Variants in TMPRSS15 observed in about 807,000 individuals in gnomAD.
TMPRSS15 encodes enteropeptidase.
In TMPRSS15, 128 loss-of-function variants were observed where a neutral mutation model predicts 125.3. The observed-to-expected ratio is 1.02, with a 90% CI of 0.89 to 1.18. The LOEUF (loss-of-function observed/expected upper bound fraction) is 1.18. TMPRSS15 is among the 50% of genes most tolerant of loss of function. TMPRSS15 has a pLI of 0.00. For synonymous variants in TMPRSS15, 446 were observed against 423.2 expected, an observed-to-expected ratio of 1.05 and a Z score of -0.66; for missense variants, 1,283 against 1,212.7, an observed-to-expected ratio of 1.06 and a Z score of -0.86.
At chr21:18,336,335 T>A (rs1311913357) in intron 13 of TMPRSS15, among the ~76,000 whole-genome samples, 1 of 152,220 alleles carries the variant, frequency 6.6e-6, no homozygotes, top group Non-Finnish European at 1.5e-5. Context: ...TATTGATCGA[T>A]GTTTGAATAT....
intron 1 of TMPRSS15, among the ~76,000 whole-genome samples, chr21:18,440,171 G>A (rs2123230860): frequency 1.3e-5 from 2 of 151,584 alleles, no homozygotes; most frequent in East Asian, 3.9e-4. Flanking sequence ...TCAGGAGATT[G>A]AGACCATCCT....
chr21:18,289,449 T>C (rs2074807234), intron 21 of TMPRSS15, among the ~76,000 whole-genome samples: 1 of 152,036 alleles, frequency 6.6e-6, no homozygotes, highest in South Asian at 2.1e-4. Context: ...GAGGCGGAGG[T>C]TGCAGTGAGC....
intron 23 of TMPRSS15, among the ~76,000 whole-genome samples, chr21:18,276,732 TC>T (rs1338947376): frequency 2.0e-5 from 3 of 150,868 alleles, no homozygotes; most frequent in African/African-American, 7.3e-5. Context: ...TATAATATAC[TC>T]AAAAGATTGA....
intron 7 of TMPRSS15, 130 bp from the exon 8 acceptor site, chr21:18,359,993 T>A: frequency 1.8e-6 from 1 of 570,210 alleles, no homozygotes; most frequent in Non-Finnish European, 3.2e-6. Flanking sequence ...CTTAAATTTT[T>A]AAGTGTACAG....
At chr21:18,444,024 C>T (rs1258677505) in intron 1 of TMPRSS15, among the ~76,000 whole-genome samples, 1 of 152,128 alleles carries the variant, frequency 6.6e-6, no homozygotes, top group Non-Finnish European at 1.5e-5. Flanking sequence ...GGCACAGCCT[C>T]CTCTTATTGC....
chr21:18,436,382 G>A (rs1016110450), intron 1 of TMPRSS15, among the ~76,000 whole-genome samples: 12 of 151,916 alleles, frequency 7.9e-5, no homozygotes, highest in Admixed American at 5.9e-4. Flanking sequence ...CCTTCATTTC[G>A]TTATGTACCC....
chr21:18,282,097 CAAAAA>C (rs954911028), intron 21 of TMPRSS15, among the ~76,000 whole-genome samples: 8 of 24,958 alleles, frequency 3.2e-4, no homozygotes, highest in African/African-American at 4.8e-4. Flanking sequence ...GACTCCGCCT[CAAAAA>C]AAAAAAAAAA....
At chr21:18,345,211 T>C (rs1055520500) in intron 10 of TMPRSS15, among the ~76,000 whole-genome samples, 1 of 152,296 alleles carries the variant, frequency 6.6e-6, no homozygotes, top group African/African-American at 2.4e-5. Flanking sequence ...TAATAATGTG[T>C]TTAAAATTTT....
intron 13 of TMPRSS15, among the ~76,000 whole-genome samples, chr21:18,333,263 G>GA (rs1002616463): frequency 2.7e-5 from 4 of 149,864 alleles, no homozygotes; most frequent in Admixed American, 6.6e-5. Flanking sequence ...AAGAAAATTG[G>GA]AAAAAAAAAT....
At position 18,447,578 on chromosome 21, in the gene TMPRSS15, G is replaced by A. The variant is rs184251917; in HGVS notation, c.10+38221C>T. Among the ~76,000 whole-genome samples, 478 of 152,172 alleles carry A rather than the reference G, an allele frequency of 3.1e-3. 2 individuals are homozygous for A. The highest frequency in any genetic ancestry group is 0.011 in the African/African-American group (456 of 41,534). ...TAGTTCTGATAATCCCCACATGTTT[G>A]GGAGGGACTTGGTGGGAAGTAATTG... On this transcript the variant is annotated intron_variant, in intron 1 of 7. Transcript: ENST00000422787.
chr21:18,422,651 GA>G (rs1383770968), intron 1 of TMPRSS15, among the ~76,000 whole-genome samples: 1 of 152,180 alleles, frequency 6.6e-6, no homozygotes, highest in Non-Finnish European at 1.5e-5. Context: ...TGTGGAAACT[GA>G]GGCACAAAGC....
rs1050685511 is a variant in TMPRSS15, at chr21:18,423,584, A to AT, written c.11-25256dup. 5.8e-3 allele frequency among the ~76,000 whole-genome samples: 769 copies of AT among 133,366 alleles called. 6 individuals carry two copies. Among genetic ancestry groups the AT allele is most frequent in the African/African-American group, 8.5e-3 (309 of 36,408 alleles). The allele number at this position is 133,366 out of a possible 152,430, so 87.5% of individuals were successfully genotyped here. A position where few individuals can be genotyped will look rare whatever the true frequency, so the allele number is the denominator to read the frequency against. On this transcript the variant is annotated intron_variant, in intron 1 of 7. Transcript: ENST00000422787. ...CCACCACACCCGGCTAATTTTTTGT[A>AT]TTTTTTTTTTTTTTAGTAGAGACGG...
At chr21:18,321,349 CTT>C (rs751011766) in intron 16 of TMPRSS15, among the ~76,000 whole-genome samples, 4 of 100,596 alleles carry the variant, frequency 4.0e-5, no homozygotes, top group Admixed American at 1.3e-4. Flanking sequence ...TTTTTTCCTT[CTT>C]TTTTTTTTTT....
chr21:18,422,930 C>T (rs2076195231), intron 1 of TMPRSS15, among the ~76,000 whole-genome samples: 1 of 152,162 alleles, frequency 6.6e-6, no homozygotes, highest in African/African-American at 2.4e-5. Flanking sequence ...TACTGTAGGT[C>T]TCAAATGCTG....
intron 10 of TMPRSS15, among the ~76,000 whole-genome samples, chr21:18,351,359 A>T (rs1021015658): frequency 6.6e-6 from 1 of 152,148 alleles, no homozygotes; most frequent in Non-Finnish European, 1.5e-5. Flanking sequence ...ATGCACTGAG[A>T]ATACCTGATA....
intron 21 of TMPRSS15, among the ~76,000 whole-genome samples, chr21:18,285,752 A>G (rs752423289): frequency 3.9e-5 from 6 of 152,220 alleles, no homozygotes; most frequent in Non-Finnish European, 7.3e-5. Context: ...TATAATGATC[A>G]TTATCATTAC....
intron 18 of TMPRSS15, among the ~76,000 whole-genome samples, chr21:18,307,259 A>C (rs2146925566): frequency 6.6e-6 from 1 of 152,298 alleles, no homozygotes; most frequent in East Asian, 1.9e-4. Context: ...CAAGCACCTG[A>C]CCTTCATCAA....
At position 18,402,694 on chromosome 21, in the gene TMPRSS15, A is replaced by G. The variant is rs144916730; in HGVS notation, c.145+784T>C. On this transcript the variant is annotated intron_variant, in intron 1 of 24. Transcript: ENST00000284885. ...TTACCCTATAAATGAATAAGTGGTA[A>G]GATGGACTATAAGTTCCAGAGCGGG... 9.3e-4 allele frequency among the ~76,000 whole-genome samples: 142 copies of G among 152,292 alleles called. No individual in the cohort carries two copies. In the South Asian group the frequency reaches 0.01, roughly 11 times the overall value.
chr21:18,416,674 A>C (rs1311551255), intron 1 of TMPRSS15, among the ~76,000 whole-genome samples: 1 of 152,078 alleles, frequency 6.6e-6, no homozygotes, highest in Non-Finnish European at 1.5e-5. Flanking sequence ...AACTATTTGC[A>C]GCATATTGTA....
Sources: allele counts gnomAD v4.1 joint callset (sites outside exome capture counted in the v4.1 genomes callset), GRCh38; gene constraint gnomAD v4.1.1; transcripts MANE v1.5; gene names NCBI Gene and HGNC (gene_info 2026-07-23, HGNC 2026-07-21).